TOP2A: variants seen among roughly 807,000 people sequenced by gnomAD.
TOP2A encodes the protein DNA topoisomerase 2-alpha.
TOP2A carries 68 observed loss-of-function variants against 187.2 expected under a neutral mutation model. The observed-to-expected ratio is 0.36, with a 90% CI of 0.30 to 0.44. The LOEUF (loss-of-function observed/expected upper bound fraction) is 0.44. TOP2A is among the 20% of genes least tolerant of loss of function. TOP2A has a pLI of 1.00. For synonymous variants in TOP2A, 542 were observed against 593.2 expected (o/e 0.91, Z 1.25); for missense variants, 1,196 against 1,808.7 (o/e 0.66, Z 6.14).
In TOP2A at chr17:40,417,768, T is replaced by C. The variant is rs1367883820; in HGVS notation, c.21+3A>G. 1 of 1,613,314 alleles carries C rather than the reference T, an allele frequency of 6.2e-7. No homozygotes were observed. Among genetic ancestry groups the C allele is most frequent in the Non-Finnish European group, 8.5e-7 (1 of 1,179,848 alleles). ...CACCGCCAGTCCCCCCCGCGAGCCG[T>C]ACCTGCAATGGTGACACTTCCATGG... is the stretch of plus-strand genomic sequence containing the variant. On this transcript the variant is annotated splice_donor_region_variant and intron_variant, in intron 1 of 34. Coordinates refer to ENST00000423485, the MANE Select transcript of TOP2A (RefSeq NM_001067.4).
Position 40,408,119 on chromosome 17 carries a change from G to T in TOP2A, c.1348C>A (p.Arg450=). The change falls in exon 12 of 35, where the codon CGA becomes AGA. Residue 450 remains arginine, a synonymous_variant. Coordinates refer to ENST00000423485, the MANE Select transcript of TOP2A (RefSeq NM_001067.4). The stretch of plus-strand genomic sequence containing the variant: ...ATAAGCGTACACTCAGTGGAGTTTC[G>T]GCCCCCTAAAATAAAAATATACATA... ...KLDDANDAGG[R]NSTECTLILT... is the part of the protein sequence containing the mutation. 1 of 1,590,710 alleles carries T rather than the reference G, an allele frequency of 6.3e-7. No homozygotes were observed. The highest frequency in any genetic ancestry group is 8.5e-7 in the Non-Finnish European group (1 of 1,170,794).
In TOP2A at chr17:40,400,326, A is replaced by G. The variant is rs1367081164; in HGVS notation, c.2883T>C (p.His961=). ...CAACAAATTTCACAGTGGTATCTGT[A>G]TGGTATTCCCTATAGTCTGTTATGA... The part of the protein sequence containing the change: ...PPLITDYREY[H]TDTTVKFVVK... Residue 961 remains histidine (H), a synonymous_variant, in exon 23 of 35, where the codon CAT becomes CAC. Coordinates refer to ENST00000423485, the MANE Select transcript of TOP2A (RefSeq NM_001067.4). 1.2e-6 allele frequency: 2 copies of G among 1,613,460 alleles called. No homozygotes were observed. Among genetic ancestry groups the G allele is most frequent in the South Asian group, 1.1e-5 (1 of 91,052 alleles).
intron 10 of TOP2A, chr17:40,410,524 CA>C (rs1283831548): frequency 5.0e-6 from 2 of 398,916 alleles, no homozygotes; most frequent in Non-Finnish European, 9.7e-6. Flanking sequence ...AAAAGTCACT[CA>C]AAAGCATTCC....
rs770347677 is a variant in TOP2A at position 40,400,314 on chromosome 17, A to T, written c.2895T>A (p.Thr965=). 20 of 1,612,998 alleles carry T rather than the reference A, an allele frequency of 1.2e-5. No homozygotes were observed. In the East Asian group the frequency reaches 4.5e-4, roughly 36 times the overall value. The change falls in exon 23 of 35, where the codon ACT becomes ACA. Residue 965 remains threonine, a synonymous_variant. Transcript: ENST00000423485. ...TDYREYHTDT[T]VKFVVKMTEE... ...CAGTCATCTTCACAACAAATTTCAC[A>T]GTGGTATCTGTATGGTATTCCCTAT... is the stretch of plus-strand genomic sequence containing the variant.
chr17:40,417,448 A>T, intron 1 of TOP2A: 1 of 912,458 alleles, frequency 1.1e-6, no homozygotes, highest in Non-Finnish European at 1.5e-6. Flanking sequence ...AGCGGGCAGG[A>T]GGGGAAAGCA....
chr17:40,415,887 T>C, intron 4 of TOP2A, 118 bp downstream of exon 4: 2 of 687,150 alleles, frequency 2.9e-6, no homozygotes, highest in Non-Finnish European at 5.1e-6. Context: ...TTTAGCATTC[T>C]GCTTTTGTGT....
rs2034993400 is a variant in TOP2A at position 40,389,234 on chromosome 17, T to C, written c.*285A>G. On this transcript the variant is annotated 3_prime_UTR_variant, in exon 35 of 35. Transcript: ENST00000423485. ...TTACGCTGAAGTGATCAGATAGCTATTTCTACAGTTCAGAAGAACTTAAAA... is the reference window on the plus strand; with the variant it reads ...TTACGCTGAAGTGATCAGATAGCTACTTCTACAGTTCAGAAGAACTTAAAA... 3.3e-6 allele frequency: 1 copy of C among 300,018 alleles called. No individual in the cohort carries two copies. Among genetic ancestry groups the C allele is most frequent in the Non-Finnish European group, 6.3e-6 (1 of 159,168 alleles). The allele number at this position is 300,018 out of a possible 1,614,324, so 18.6% of individuals were successfully genotyped here.
Position 40,398,424 on chromosome 17 carries a change from G to T in TOP2A, c.3537+134C>A, listed in dbSNP as rs370633787. On this transcript the variant is annotated intron_variant, in intron 27 of 34. Transcript: ENST00000423485. ...TGGCCAATAATCTGTTCTTTTATAC[G>T]CTATTTGGAATTTATCCTTATGCCT... The T allele has an allele frequency of 5.1e-6, 4 of 786,694 alleles. No homozygotes were observed. In the East Asian group the frequency reaches 8.2e-5, roughly 16 times the overall value. The allele number at this position is 786,694 out of a possible 1,614,324, so 48.7% of individuals were successfully genotyped here. A position where few individuals can be genotyped will look rare whatever the true frequency, so the allele number is the denominator to read the frequency against.
rs764870496 is a variant in TOP2A, at chr17:40,408,078, A to G, written c.1389T>C (p.Asp463=). 59 of 1,613,444 alleles carry G rather than the reference A, an allele frequency of 3.7e-5. No homozygotes were observed. The East Asian group carries it at 1.3e-3, about 36-fold the overall frequency. ...TECTLILTEG[D]SAKTLAVSGL... The stretch of plus-strand genomic sequence containing the variant: ...CTGAAACAGCCAAAGTTTTGGCTGA[A>G]TCTCCCTCAGTCAGGATAAGCGTAC... The change falls in exon 12 of 35, where the codon GAT becomes GAC. Residue 463 remains aspartate, a synonymous_variant. Coordinates refer to ENST00000423485, the MANE Select transcript of TOP2A (RefSeq NM_001067.4).
At chr17:40,401,189 GCTGA>G (rs1440696302) in intron 20 of TOP2A, 108 bp from the exon 21 acceptor site, 25 of 910,598 alleles carry the variant, frequency 2.7e-5, no homozygotes, top group Non-Finnish European at 3.8e-5. Context: ...GGTTTTACTT[GCTGA>G]CTAATATACA....
At chr17:40,415,194 A>G (rs1339464448) in intron 4 of TOP2A, among the ~76,000 whole-genome samples, 2 of 151,236 alleles carry the variant, frequency 1.3e-5, no homozygotes, top group Non-Finnish European at 2.9e-5. Context: ...AGCTGGGACT[A>G]CAGGCGCCCA....
In TOP2A at chr17:40,408,577, G is replaced by A. The variant is rs1442554567; in HGVS notation, c.1257C>T (p.Ala419=). Residue 419 remains alanine (A), a synonymous_variant, in exon 11 of 35, where the codon GCC becomes GCT. Coordinates refer to ENST00000423485, the MANE Select transcript of TOP2A (RefSeq NM_001067.4). ...AACACTTCTTGTTTAACTGGACTTGGGCCTTAAACTTCACCCAGTTTAGTA... is the reference window on the plus strand; with the variant it reads ...AACACTTCTTGTTTAACTGGACTTGAGCCTTAAACTTCACCCAGTTTAGTA... ...ESILNWVKFK[A]QVQLNKKCSA... 5 of 1,613,620 alleles carry A rather than the reference G, an allele frequency of 3.1e-6. No homozygotes were observed. Among genetic ancestry groups the A allele is most frequent in the Non-Finnish European group, 4.2e-6 (5 of 1,179,750 alleles).
At chr17:40,392,800 C>T in intron 29 of TOP2A, 63 bp from the exon 30 acceptor site, 1 of 1,299,376 alleles carries the variant, frequency 7.7e-7, no homozygotes, top group Non-Finnish European at 1.1e-6. Context: ...CATCTATCAT[C>T]CATCCATCCT....
At chr17:40,405,783 T>C (rs924024992) in intron 16 of TOP2A, among the ~76,000 whole-genome samples, 1 of 150,820 alleles carries the variant, frequency 6.6e-6, no homozygotes, top group Non-Finnish European at 1.5e-5. Flanking sequence ...TCCTTTTTTT[T>C]TGAGATGGAG....
At chr17:40,399,834 TAG>T (rs1291588239) in intron 24 of TOP2A, 36 bp downstream of exon 24, 15 of 1,527,054 alleles carry the variant, frequency 9.8e-6, no homozygotes, top group Admixed American at 2.3e-5. Context: ...TTGGCGTAAC[TAG>T]AGTTTTAGTA....
At chr17:40,417,552 C>A in intron 1 of TOP2A, 11 of 1,430,016 alleles carry the variant, frequency 7.7e-6, no homozygotes, top group Non-Finnish European at 1.0e-5. Context: ...AACAGGGCAA[C>A]AACGCACGAC....
chr17:40,416,349 T>C (rs1360724584), intron 3 of TOP2A, 73 bp downstream of exon 3: 3 of 1,107,138 alleles, frequency 2.7e-6, no homozygotes, highest in Admixed American at 2.7e-5. Flanking sequence ...TTTTATCTTT[T>C]TTAAATTTTT....
chr17:40,417,441 G>A (rs2035406290), intron 1 of TOP2A: 3 of 839,786 alleles, frequency 3.6e-6, no homozygotes, highest in African/African-American at 1.7e-5. Flanking sequence ...TTCAAGCAGC[G>A]GGCAGGAGGG....
In TOP2A at chr17:40,412,765, T is replaced by C; in HGVS notation, c.783A>G (p.Lys261=). The C allele has an allele frequency of 6.2e-7, 1 of 1,612,962 alleles. No homozygotes were observed. Among genetic ancestry groups the C allele is most frequent in the Non-Finnish European group, 8.5e-7 (1 of 1,178,996 alleles). Residue 261 remains lysine (K), a synonymous_variant, in exon 7 of 35, where the codon AAA becomes AAG. Transcript: ENST00000423485. ...KDVKVFLNGN[K]LPVKGFRSYV... ...CATCCAGGAAAATACTCACTGGCAG[T>C]TTATTTCCATTAAGAAAGACTTTGA...
Sources: allele counts gnomAD v4.1 joint callset (sites outside exome capture counted in the v4.1 genomes callset), GRCh38; gene constraint gnomAD v4.1.1; transcripts MANE v1.5; gene names NCBI Gene and HGNC (gene_info 2026-07-23, HGNC 2026-07-21).